Variants in SLC8A3 observed in about 807,000 individuals in gnomAD.
SLC8A3 encodes solute carrier family 8 member A3, also known as sodium/calcium exchanger 3.
A neutral mutation model predicts 65.4 loss-of-function variants in SLC8A3; 37 were observed. The observed-to-expected ratio is 0.57, with a 90% CI of 0.44 to 0.74. The LOEUF (loss-of-function observed/expected upper bound fraction) is 0.74, where lower values mean the gene tolerates loss of function less well. SLC8A3 is among the 30% of genes least tolerant of loss of function. The pLI, the probability that SLC8A3 is intolerant of heterozygous loss-of-function variation, is 0.00. For synonymous variants in SLC8A3, 461 were observed against 444.5 expected (o/e 1.04, Z -0.47); for missense variants, 1,112 against 1,172.1 (o/e 0.95, Z 0.75).
intron 2 of SLC8A3, among the ~76,000 whole-genome samples, chr14:70,135,658 C>T (rs1337085334): frequency 6.6e-6 from 1 of 151,548 alleles, no homozygotes; most frequent in Non-Finnish European, 1.5e-5. Flanking sequence ...ACAAACACTG[C>T]ATAGTCTCAC....
intron 1 of SLC8A3, among the ~76,000 whole-genome samples, chr14:70,177,777 C>G (rs1028676216): frequency 2.6e-5 from 4 of 152,206 alleles, no homozygotes; most frequent in Non-Finnish European, 5.9e-5. Flanking sequence ...AATAAGGAAG[C>G]ACTGAAGGTT....
At chr14:70,186,855 C>T (rs767538004) in intron 1 of SLC8A3, among the ~76,000 whole-genome samples, 3 of 152,156 alleles carry the variant, frequency 2.0e-5, no homozygotes, top group Non-Finnish European at 2.9e-5. Flanking sequence ...GCCAAGAGCC[C>T]ATAAAGGGTG....
intron 2 of SLC8A3, among the ~76,000 whole-genome samples, chr14:70,139,919 G>C (rs1279848045): frequency 6.6e-6 from 1 of 152,116 alleles, no homozygotes; most frequent in Non-Finnish European, 1.5e-5. Flanking sequence ...CCTTTCCCTT[G>C]AAATTCCCCT....
chr14:70,064,656 A>T (rs561880321), intron 2 of SLC8A3, among the ~76,000 whole-genome samples: 8 of 152,180 alleles, frequency 5.3e-5, no homozygotes, highest in African/African-American at 1.9e-4. Flanking sequence ...AGGCTTCTGC[A>T]GTCACAGGGA....
chr14:70,175,220 T>C (rs911481577), intron 1 of SLC8A3, among the ~76,000 whole-genome samples: 4 of 152,200 alleles, frequency 2.6e-5, no homozygotes, highest in Non-Finnish European at 4.4e-5. Flanking sequence ...AATGATCATA[T>C]ATATTCATCA....
rs1016998314 is a variant in SLC8A3, at chr14:70,049,119, G to A, written c.2114-77C>T. On this transcript the variant is annotated intron_variant, in intron 5 of 6. Coordinates refer to ENST00000356921, the MANE Select transcript of SLC8A3 (RefSeq NM_182932.3). ...TTCATGAGAAAGTCAAGCCCAACCCGCACCACAGGCATCATCCGCTAGAAG... is the reference window on the plus strand; with the variant it reads ...TTCATGAGAAAGTCAAGCCCAACCCACACCACAGGCATCATCCGCTAGAAG... The A allele has an allele frequency of 1.7e-5, 23 of 1,371,094 alleles. No individual in the cohort carries two copies. In the East Asian group the frequency reaches 3.9e-4, roughly 23 times the overall value. 84.9% of individuals were successfully genotyped at this position (1,371,094 alleles called of 1,614,324 possible).
chr14:70,049,048 G>A lies in SLC8A3; in HGVS notation c.2114-6C>T. 6.3e-7 allele frequency: 1 copy of A among 1,598,906 alleles called. No homozygotes were observed. Among genetic ancestry groups the A allele is most frequent in the Non-Finnish European group, 8.5e-7 (1 of 1,170,664 alleles). On this transcript the variant is annotated splice_polypyrimidine_tract_variant and splice_region_variant and intron_variant, in intron 5 of 6. Coordinates refer to ENST00000356921, the MANE Select transcript of SLC8A3 (RefSeq NM_182932.3). ...ATCCTCATCCTCATCCCCTGCTGAA[G>A]GCAAGATAAACAGGCAAGAGAACGG...
In SLC8A3 at chr14:70,169,686, A is replaced by G. The variant is rs1284963806; in HGVS notation, c.-62-1202T>C. 1.0e-4 allele frequency among the ~76,000 whole-genome samples: 11 copies of G among 107,044 alleles called. No homozygotes were observed. In the Admixed American group the frequency reaches 1.0e-3, roughly 10 times the overall value. The allele number at this position is 107,044 out of a possible 152,430, so 70.2% of individuals were successfully genotyped here. The stretch of plus-strand genomic sequence containing the variant: ...TACCATGGAATAGCTAAAAAAAAAA[A>G]AAAGTGGGGGGGGGGGCGATCTTTC... On this transcript the variant is annotated intron_variant, in intron 1 of 6. Coordinates refer to ENST00000356921, the MANE Select transcript of SLC8A3 (RefSeq NM_182932.3).
intron 1 of SLC8A3, among the ~76,000 whole-genome samples, chr14:70,187,737 G>C (rs975797331): frequency 3.3e-5 from 5 of 151,876 alleles, no homozygotes; most frequent in African/African-American, 1.2e-4. Context: ...CCAGGGGCTG[G>C]AGAGTGCAGC....
intron 2 of SLC8A3, among the ~76,000 whole-genome samples, chr14:70,069,427 A>T (rs1889794863): frequency 6.6e-6 from 1 of 151,998 alleles, no homozygotes; most frequent in South Asian, 2.1e-4. Flanking sequence ...CCCTTTCATC[A>T]CTTCTGAATG....
intron 2 of SLC8A3, among the ~76,000 whole-genome samples, chr14:70,135,129 A>G (rs1003375664): frequency 2.0e-5 from 3 of 152,230 alleles, no homozygotes; most frequent in African/African-American, 7.2e-5. Flanking sequence ...GCCAACAGGT[A>G]TATAAAAAAA....
In SLC8A3 at chr14:70,168,366, A is replaced by G. The variant is rs139492392; in HGVS notation, c.57T>C (p.Val19=). Residue 19 remains valine, a synonymous_variant, in exon 2 of 7, where the codon GTT becomes GTC. Transcript: ENST00000356921. The part of the protein sequence containing the change: ...LTSAFLHFGL[V]TFVLFLNGLR... ...GACCATTCAGGAAGAGCACAAAGGT[A>G]ACCAGCCCAAAATGGAGGAAGGCAG... The G allele has an allele frequency of 4.2e-5, 68 of 1,614,182 alleles. No individual in the cohort carries two copies. The African/African-American group carries it at 8.8e-4, about 21-fold the overall frequency.
intron 2 of SLC8A3, among the ~76,000 whole-genome samples, chr14:70,103,230 T>C (rs1217919179): frequency 1.3e-5 from 2 of 152,082 alleles, no homozygotes; most frequent in Non-Finnish European, 2.9e-5. Flanking sequence ...AAAATAAAGA[T>C]ATTTTAAGAT....
intron 2 of SLC8A3, among the ~76,000 whole-genome samples, chr14:70,074,704 G>A (rs549715627): frequency 1.3e-5 from 2 of 152,312 alleles, no homozygotes; most frequent in South Asian, 4.1e-4. Flanking sequence ...AGTCAGAGGT[G>A]CAACATTTAA....
At chr14:70,080,305 G>T in intron 2 of SLC8A3, 1 of 914,610 alleles carries the variant, frequency 1.1e-6, no homozygotes, top group Non-Finnish European at 1.3e-6. Context: ...TGAAAGGAAA[G>T]ATGGAGCTCA....
chr14:70,121,724 A>G (rs1173699243), intron 2 of SLC8A3, among the ~76,000 whole-genome samples: 1 of 152,134 alleles, frequency 6.6e-6, no homozygotes, highest in Non-Finnish European at 1.5e-5. Flanking sequence ...CATGGGAACA[A>G]CTCTGCAATG....
At chr14:70,146,305 G>C (rs973133994) in intron 2 of SLC8A3, among the ~76,000 whole-genome samples, 4 of 152,130 alleles carry the variant, frequency 2.6e-5, no homozygotes, top group Non-Finnish European at 5.9e-5. Flanking sequence ...CTGCAATGAG[G>C]CTAATGGGGG....
intron 2 of SLC8A3, among the ~76,000 whole-genome samples, chr14:70,069,670 C>T (rs1467662474): frequency 6.6e-6 from 1 of 152,196 alleles, no homozygotes; most frequent in East Asian, 1.9e-4. Context: ...CCCCCACCGC[C>T]ACCTGTCACC....
intron 2 of SLC8A3, among the ~76,000 whole-genome samples, chr14:70,139,585 C>G (rs1307551440): frequency 6.6e-6 from 1 of 152,136 alleles, no homozygotes; most frequent in African/African-American, 2.4e-5. Flanking sequence ...GGCAATGAAG[C>G]CCCGCCTTGA....
Sources: gnomAD v4.1 joint callset for allele counts (sites outside exome capture counted in the v4.1 genomes callset) on GRCh38, gnomAD v4.1.1 for gene constraint, MANE v1.5 for transcripts, NCBI Gene and HGNC (gene_info 2026-07-23, HGNC 2026-07-21) for gene names.